INTS6: variants seen among roughly 807,000 people sequenced by gnomAD.
INTS6 encodes the protein integrator complex subunit 6, also known as DEAD box protein.
A neutral mutation model predicts 104.9 loss-of-function variants in INTS6; 16 were observed. That is an observed-to-expected ratio of 0.15 (90% CI 0.10 to 0.23). The LOEUF (loss-of-function observed/expected upper bound fraction) is 0.23, where lower values mean the gene tolerates loss of function less well. INTS6 is among the 10% of genes least tolerant of loss of function. INTS6 has a pLI of 1.00. For synonymous variants in INTS6, 324 were observed against 358.7 expected (o/e 0.90, Z 1.09); for missense variants, 584 against 1,062.8 (o/e 0.55, Z 6.26).
chr13:51,377,651 A>G (rs766964908), intron 12 of INTS6, among the ~76,000 whole-genome samples: 12 of 152,110 alleles, frequency 7.9e-5, no homozygotes, highest in Non-Finnish European at 1.6e-4. Flanking sequence ...TCTAGACTCA[A>G]TTCTGTTCCA....
intron 3 of INTS6, among the ~76,000 whole-genome samples, chr13:51,433,118 G>C (rs1255413264): frequency 1.3e-5 from 2 of 152,196 alleles, no homozygotes; most frequent in Admixed American, 1.3e-4. Context: ...ATTTGTAGTA[G>C]GGTCTTCTAT....
At chr13:51,445,906 C>A (rs1952906839) in intron 3 of INTS6, 1 of 152,176 alleles carries the variant, frequency 6.6e-6, no homozygotes, top group South Asian at 2.1e-4. Context: ...GGACCCTTAC[C>A]TTATACCATA....
At chr13:51,383,763 T>A in intron 7 of INTS6, 22 bp from the exon 8 acceptor site, 1 of 1,555,208 alleles carries the variant, frequency 6.4e-7, no homozygotes, top group Non-Finnish European at 8.7e-7. Flanking sequence ...AGTCTTGTAA[T>A]TACTACTTAC....
At chr13:51,449,661 A>T (rs1952994286) in intron 3 of INTS6, 3 of 984,912 alleles carry the variant, frequency 3.0e-6, no homozygotes, top group Non-Finnish European at 2.4e-6. Context: ...GAACTCAAAG[A>T]GGTAAGGATG....
intron 4 of INTS6, among the ~76,000 whole-genome samples, chr13:51,409,102 C>T (rs1363940954): frequency 2.6e-5 from 4 of 151,884 alleles, no homozygotes; most frequent in Non-Finnish European, 5.9e-5. Flanking sequence ...AGCAGAGCAT[C>T]AGGGTCATAT....
In INTS6 at chr13:51,362,175, A is replaced by G. The variant is rs1009829272; in HGVS notation, c.*3577T>C. 9 of 768,056 alleles carry G rather than the reference A, an allele frequency of 1.2e-5. No individual in the cohort carries two copies. In the Admixed American group the frequency reaches 2.0e-4, roughly 17 times the overall value. The allele number at this position is 768,056 out of a possible 1,614,324, so 47.6% of individuals were successfully genotyped here. A position where few individuals can be genotyped will look rare whatever the true frequency, so the allele number is the denominator to read the frequency against. On this transcript the variant is annotated 3_prime_UTR_variant, in exon 18 of 18. Transcript: ENST00000311234. ...ATGCTATAGGTTTCTACTTCTGAAG[A>G]CACTTGGAAAAATCATGAAAGTAAA...
chr13:51,366,392 C>G (rs1300026354), intron 17 of INTS6, among the ~76,000 whole-genome samples: 2 of 151,966 alleles, frequency 1.3e-5, no homozygotes, highest in Non-Finnish European at 2.9e-5. Context: ...CAGAGTATAG[C>G]AAGCAGTTAA....
chr13:51,390,307 AAC>A (rs1956222248), intron 5 of INTS6, among the ~76,000 whole-genome samples: 1 of 151,986 alleles, frequency 6.6e-6, no homozygotes, highest in Non-Finnish European at 1.5e-5. Flanking sequence ...AAAAATATAA[AAC>A]ATCTCATTAG....
At chr13:51,443,587 AAT>A (rs1477776924) in intron 3 of INTS6, 1 of 152,208 alleles carries the variant, frequency 6.6e-6, no homozygotes, top group Non-Finnish European at 1.5e-5. Context: ...AGCTGAGTAC[AAT>A]GGCAAGAGCC....
At chr13:51,384,509 A>T in intron 7 of INTS6, 1 of 400,934 alleles carries the variant, frequency 2.5e-6, no homozygotes, top group Non-Finnish European at 5.0e-6. Flanking sequence ...TCACAAATCT[A>T]CTGTTGGGGC....
the INTS6 span, among the ~76,000 whole-genome samples, chr13:51,337,098 G>T: frequency 6.6e-6 from 1 of 152,222 alleles, no homozygotes; most frequent in Non-Finnish European, 1.5e-5. Flanking sequence ...TGCTCTAGCT[G>T]TTCCCTCAGA....
chr13:51,393,439 A>G (rs2054994815), intron 5 of INTS6, among the ~76,000 whole-genome samples: 2 of 152,230 alleles, frequency 1.3e-5, no homozygotes, highest in African/African-American at 4.8e-5. Context: ...GGATAGTGCA[A>G]TACCAGTGGG....
intron 4 of INTS6, among the ~76,000 whole-genome samples, chr13:51,429,005 A>G (rs1957034925): frequency 6.6e-6 from 1 of 152,162 alleles, no homozygotes; most frequent in African/African-American, 2.4e-5. Context: ...GTACCTTCAT[A>G]TACATTATTT....
At chr13:51,355,456 C>T (rs1955467181) in intron 3 of INTS6, among the ~76,000 whole-genome samples, 1 of 152,148 alleles carries the variant, frequency 6.6e-6, no homozygotes, top group African/African-American at 2.4e-5. Flanking sequence ...GGCATTGCTG[C>T]AGCAATAGAT....
intron 5 of INTS6, among the ~76,000 whole-genome samples, chr13:51,393,995 T>C (rs567421873): frequency 1.3e-5 from 2 of 151,868 alleles, no homozygotes; most frequent in East Asian, 3.9e-4. Context: ...CCTCCAAGCC[T>C]TTCAGAACCT....
chr13:51,406,381 C>T (rs2138012789), intron 4 of INTS6, among the ~76,000 whole-genome samples: 1 of 151,360 alleles, frequency 6.6e-6, no homozygotes, highest in South Asian at 2.1e-4. Context: ...TGGTCCTCTT[C>T]CAATATTCCC....
chr13:51,452,799 G>T lies in INTS6; in HGVS notation c.-274C>A. ...GCGGGCGCCCAGCCGTCTGTCTGTC[G>T]GTTCGTCCCCCCCGCCTCGGGGGTC... is the stretch of plus-strand genomic sequence containing the variant. On this transcript the variant is annotated 5_prime_UTR_variant, in exon 1 of 18. Transcript: ENST00000311234. The surrounding 1 kb of genome is among the most constrained non-coding windows in gnomAD (Gnocchi z 4.2). The T allele has an allele frequency of 1.7e-6, 2 of 1,192,414 alleles. No individual in the cohort carries two copies. Among genetic ancestry groups the T allele is most frequent in the Non-Finnish European group, 2.1e-6 (2 of 955,398 alleles). 73.9% of individuals were successfully genotyped at this position (1,192,414 alleles called of 1,614,324 possible).
At chr13:51,372,321 T>TA (rs1418221870) in intron 15 of INTS6, among the ~76,000 whole-genome samples, 2 of 148,378 alleles carry the variant, frequency 1.3e-5, no homozygotes, top group Non-Finnish European at 3.0e-5. Context: ...TTTTTTTTTT[T>TA]AAAGTATTTG....
intron 5 of INTS6, among the ~76,000 whole-genome samples, chr13:51,393,284 G>T (rs781503910): frequency 7.9e-5 from 12 of 152,066 alleles, no homozygotes; most frequent in Non-Finnish European, 1.5e-4. Flanking sequence ...CACCATGTTG[G>T]CCAGGCTGGT....
Sources: allele counts gnomAD v4.1 joint callset (sites outside exome capture counted in the v4.1 genomes callset), GRCh38; gene constraint gnomAD v4.1.1; non-coding constraint Gnocchi (gnomAD v3.1); transcripts MANE v1.5; gene names NCBI Gene and HGNC (gene_info 2026-07-23, HGNC 2026-07-21).